The following TANC2 variants were observed in gnomAD, a reference collection of about 807,000 sequenced individuals.
TANC2 encodes the protein protein TANC2.
Under a neutral mutation model 210.5 loss-of-function variants are expected in TANC2, and 26 were observed. That is an observed-to-expected ratio of 0.12 (90% CI 0.09 to 0.17). The LOEUF is 0.17. TANC2 is among the 10% of genes least tolerant of loss of function. The pLI, the probability that TANC2 is intolerant of heterozygous loss-of-function variation, is 1.00. For missense variants in TANC2, 2,129 were observed against 2,608.9 expected (o/e 0.82, Z 4.01); for synonymous variants, 931 against 967.1 (o/e 0.96, Z 0.69).
intron 1 of TANC2, among the ~76,000 whole-genome samples, chr17:62,977,947 A>G (rs1486409631): frequency 1.3e-5 from 2 of 152,184 alleles, no homozygotes; most frequent in African/African-American, 2.4e-5. Context: ...AATAGGGATC[A>G]TATTATTTAT....
At chr17:63,345,451 C>T (rs2046369373) in intron 12 of TANC2, among the ~76,000 whole-genome samples, 1 of 152,060 alleles carries the variant, frequency 6.6e-6, no homozygotes, top group East Asian at 1.9e-4. Context: ...GAAACCCTGT[C>T]TCTACTAAAA....
intron 5 of TANC2, among the ~76,000 whole-genome samples, chr17:63,155,624 A>G (rs372711744): frequency 1.3e-5 from 2 of 152,200 alleles, no homozygotes; most frequent in Non-Finnish European, 1.5e-5. Flanking sequence ...TGAAATAGGC[A>G]GGCTTTTATC....
intron 2 of TANC2, among the ~76,000 whole-genome samples, chr17:63,044,211 G>A (rs2035294157): frequency 6.6e-6 from 1 of 152,128 alleles, no homozygotes; most frequent in East Asian, 1.9e-4. Context: ...CACAGATATA[G>A]ATAATATATA....
At chr17:63,143,277 C>T (rs1226620173) in intron 4 of TANC2, among the ~76,000 whole-genome samples, 1 of 152,158 alleles carries the variant, frequency 6.6e-6, no homozygotes, top group Non-Finnish European at 1.5e-5. Context: ...GATGATTATG[C>T]TAATCCTTAA....
exon 20 of TANC2, chr17:63,405,193 G>T: frequency 6.2e-7 from 1 of 1,611,632 alleles, no homozygotes; most frequent in Non-Finnish European, 8.5e-7. Context: ...GGCGGCAGTG[G>T]CCCAGCCAAA....
exon 20 of TANC2, chr17:63,405,156 G>A (rs1803163133): frequency 1.9e-6 from 3 of 1,613,270 alleles, no homozygotes; most frequent in African/African-American, 1.3e-5. Flanking sequence ...GCAAACTGGA[G>A]GTGTGCCGTT....
At chr17:63,207,211 C>CTTTTT (rs948663767) in intron 7 of TANC2, among the ~76,000 whole-genome samples, 16 of 113,804 alleles carry the variant, frequency 1.4e-4, no homozygotes, top group African/African-American at 2.1e-4. Flanking sequence ...TTTTTTTTTC[C>CTTTTT]TTTTTTTTTT....
intron 3 of TANC2, among the ~76,000 whole-genome samples, chr17:63,086,139 T>C (rs989648834): frequency 7.2e-5 from 11 of 152,252 alleles, no homozygotes; most frequent in South Asian, 4.1e-4. Context: ...AAGGTTTTTT[T>C]CCCTCTGGTT....
intron 21 of TANC2, among the ~76,000 whole-genome samples, chr17:63,407,348 G>A (rs1028452744): frequency 1.3e-5 from 2 of 152,198 alleles, no homozygotes; most frequent in Non-Finnish European, 1.5e-5. Flanking sequence ...GCAAGGAGGA[G>A]GAAGGTTGGG....
chr17:63,285,504 C>G (rs2044193469), intron 9 of TANC2, among the ~76,000 whole-genome samples: 1 of 152,096 alleles, frequency 6.6e-6, no homozygotes, highest in South Asian at 2.1e-4. Flanking sequence ...GAGTGCCCCT[C>G]AGTTCACGGA....
chr17:63,038,185 T>C (rs951043811), intron 2 of TANC2, among the ~76,000 whole-genome samples: 2 of 152,194 alleles, frequency 1.3e-5, no homozygotes, highest in African/African-American at 4.8e-5. Context: ...TTTATCAAGT[T>C]GAAGTAGTTC....
At chr17:63,075,601 T>C (rs951760383) in intron 3 of TANC2, among the ~76,000 whole-genome samples, 8 of 152,172 alleles carry the variant, frequency 5.3e-5, no homozygotes, top group African/African-American at 1.9e-4. Context: ...GGCTTGATCT[T>C]GGCTCACTGC....
chr17:63,231,807 T>A (rs1268417586), intron 7 of TANC2, among the ~76,000 whole-genome samples: 2 of 152,208 alleles, frequency 1.3e-5, no homozygotes, highest in Non-Finnish European at 2.9e-5. Flanking sequence ...TGTTAGCTTG[T>A]CTTGTTAGGT....
chr17:63,314,741 C>T, intron 10 of TANC2, 72 bp downstream of exon 10: 1 of 1,531,532 alleles, frequency 6.5e-7, no homozygotes, highest in Non-Finnish European at 8.8e-7. Context: ...TATATTAGGT[C>T]GTATATCCTT....
At chr17:63,352,653 G>A (rs2046649274) in intron 13 of TANC2, among the ~76,000 whole-genome samples, 1 of 152,072 alleles carries the variant, frequency 6.6e-6, no homozygotes, top group African/African-American at 2.4e-5. Context: ...TGTGTTTCCG[G>A]ATAGAGTAGG....
At position 63,098,509 on chromosome 17, in the gene TANC2, C is replaced by G. The variant is rs56692653; in HGVS notation, c.140-666C>G. 6.1e-3 allele frequency among the ~76,000 whole-genome samples: 404 copies of G among 66,590 alleles called. 14 individuals carry two copies. Among genetic ancestry groups the G allele is most frequent in the African/African-American group, 0.025 (254 of 10,092 alleles). 43.7% of individuals were successfully genotyped at this position (66,590 alleles called of 152,430 possible). A position where few individuals can be genotyped will look rare whatever the true frequency, so the allele number is the denominator to read the frequency against. On this transcript the variant is annotated intron_variant, in intron 3 of 27. Transcript: ENST00000689528. ...ACTCTCTCTCTCTCTCTCTCTCTCT[C>G]TGTGTGTATATATATATATATATAT...
chr17:63,280,994 G>A (rs1000129132), intron 9 of TANC2, among the ~76,000 whole-genome samples: 1 of 152,088 alleles, frequency 6.6e-6, no homozygotes, highest in Non-Finnish European at 1.5e-5. Flanking sequence ...AAACATGTCT[G>A]AATTCCAGCT....
intron 6 of TANC2, among the ~76,000 whole-genome samples, chr17:63,198,783 T>TAA (rs558876227): frequency 4.5e-4 from 65 of 144,356 alleles, no homozygotes; most frequent in African/African-American, 1.6e-3. Context: ...ATTTTAAGGT[T>TAA]AAAAAAAAAA....
intron 9 of TANC2, among the ~76,000 whole-genome samples, chr17:63,307,207 G>GGAGTGATATGGTC (rs1283701018): frequency 2.0e-5 from 3 of 152,122 alleles, no homozygotes; most frequent in African/African-American, 7.2e-5. Flanking sequence ...TTTGCGTAGG[G>GGAGTGATATGGTC]GAGTGATATG....
Sources: gnomAD v4.1 joint callset for allele counts (sites outside exome capture counted in the v4.1 genomes callset) on GRCh38, gnomAD v4.1.1 for gene constraint, MANE v1.5 for transcripts, NCBI Gene and HGNC (gene_info 2026-07-23, HGNC 2026-07-21) for gene names.